Variants in TBC1D19 observed in about 807,000 individuals in gnomAD.
The protein encoded by TBC1D19 is TBC1 domain family, member 19.
A neutral mutation model predicts 89.0 loss-of-function variants in TBC1D19; 60 were observed. That is an observed-to-expected ratio of 0.67 (90% CI 0.55 to 0.84). The LOEUF is 0.84. TBC1D19 is among the 40% of genes least tolerant of loss of function. The pLI, the probability that TBC1D19 is intolerant of heterozygous loss-of-function variation, is 0.00. For missense variants in TBC1D19, 500 were observed against 610.8 expected, an observed-to-expected ratio of 0.82 and a Z score of 1.91; for synonymous variants, 189 against 199.7, an observed-to-expected ratio of 0.95 and a Z score of 0.45.
the TBC1D19 span, among the ~76,000 whole-genome samples, chr4:26,771,312 A>G: frequency 1.3e-5 from 2 of 152,168 alleles, no homozygotes; most frequent in African/African-American, 4.8e-5. Context: ...TAGAACTACC[A>G]TACAATCCAG....
At position 26,755,383 on chromosome 4, in the gene TBC1D19, A is replaced by G. The variant is rs993125566; in HGVS notation, c.*436A>G. ...TTTGTCTCATAAATTGCTCCTCACT[A>G]AGAGCCAGGGGTGGGGTAGGGTGTG... On this transcript the variant is annotated 3_prime_UTR_variant, in exon 21 of 21. Coordinates refer to ENST00000264866, the MANE Select transcript of TBC1D19 (RefSeq NM_018317.4). 2 of 152,298 alleles carry G rather than the reference A, an allele frequency of 1.3e-5. No homozygotes were observed. The highest frequency in any genetic ancestry group is 4.8e-5 in the African/African-American group (2 of 41,394). The allele number at this position is 152,298 out of a possible 1,614,324, so 9.4% of individuals were successfully genotyped here.
At chr4:26,650,462 A>G (rs902141835) in intron 7 of TBC1D19, among the ~76,000 whole-genome samples, 5 of 152,212 alleles carry the variant, frequency 3.3e-5, no homozygotes, top group South Asian at 2.1e-4. Flanking sequence ...TCTGATGGCC[A>G]GTGATGATGA....
upstream of TBC1D19, among the ~76,000 whole-genome samples, chr4:26,583,003 G>C (rs1739156265): frequency 6.6e-6 from 1 of 152,182 alleles, no homozygotes; most frequent in African/African-American, 2.4e-5. Flanking sequence ...TCTCACCAGA[G>C]TCCTATTGAA....
At chr4:26,591,769 T>C (rs974123025) in intron 1 of TBC1D19, among the ~76,000 whole-genome samples, 1 of 151,974 alleles carries the variant, frequency 6.6e-6, no homozygotes, top group Admixed American at 6.6e-5. Flanking sequence ...ACACATACAC[T>C]CTCCCAAGAC....
At chr4:26,801,787 A>C in the TBC1D19 span, among the ~76,000 whole-genome samples, 1 of 152,206 alleles carries the variant, frequency 6.6e-6, no homozygotes, top group Non-Finnish European at 1.5e-5. Flanking sequence ...TTCACAAAAA[A>C]ATCCATGTGA....
intron 1 of TBC1D19, among the ~76,000 whole-genome samples, chr4:26,598,902 G>T (rs796252699): frequency 5.9e-5 from 9 of 151,382 alleles, no homozygotes; most frequent in African/African-American, 2.2e-4. Context: ...AGAATAGAAA[G>T]AAAAAATAGA....
chr4:26,810,660 C>T, the TBC1D19 span, among the ~76,000 whole-genome samples: 2 of 152,126 alleles, frequency 1.3e-5, no homozygotes, highest in African/African-American at 2.4e-5. Context: ...CATTAGCCCA[C>T]CTCCCACTTG....
At chr4:26,652,763 T>C (rs1361338052) in intron 7 of TBC1D19, among the ~76,000 whole-genome samples, 1 of 152,208 alleles carries the variant, frequency 6.6e-6, no homozygotes, top group Non-Finnish European at 1.5e-5. Flanking sequence ...TCTCTTTTCT[T>C]CTTTATTAGT....
the TBC1D19 span, among the ~76,000 whole-genome samples, chr4:26,816,196 G>A: frequency 6.6e-6 from 1 of 151,980 alleles, no homozygotes; most frequent in African/African-American, 2.4e-5. Context: ...ATAAAAACAG[G>A]CTTTGGGCTA....
At chr4:26,605,191 T>G (rs942154905) in intron 1 of TBC1D19, among the ~76,000 whole-genome samples, 7 of 142,520 alleles carry the variant, frequency 4.9e-5, no homozygotes, top group African/African-American at 1.8e-4. Context: ...CTCCTAATGC[T>G]ATCCCTCCCC....
At chr4:26,850,888 T>C in the TBC1D19 span, among the ~76,000 whole-genome samples, 3 of 152,010 alleles carry the variant, frequency 2.0e-5, no homozygotes, top group African/African-American at 7.2e-5. Flanking sequence ...TCTGAGAGGG[T>C]GTTTCTGGAG....
At position 26,743,957 on chromosome 4, in the gene TBC1D19, C is replaced by A. The variant is rs188214930; in HGVS notation, c.1319+1358C>A. ...AAATTTATTTCAATGACATGATAAACATTAAAATTCCTATATAGGAAAAGT... is the reference window on the plus strand; with the variant it reads ...AAATTTATTTCAATGACATGATAAAAATTAAAATTCCTATATAGGAAAAGT... On this transcript the variant is annotated intron_variant, in intron 18 of 20. Transcript: ENST00000264866. Among the ~76,000 whole-genome samples, 6 of 151,628 alleles carry A rather than the reference C, an allele frequency of 4.0e-5. No individual in the cohort carries two copies. The East Asian group carries it at 1.2e-3, about 29-fold the overall frequency.
intron 1 of TBC1D19, among the ~76,000 whole-genome samples, chr4:26,593,660 C>A (rs1477624798): frequency 6.6e-6 from 1 of 152,088 alleles, no homozygotes; most frequent in East Asian, 1.9e-4. Flanking sequence ...ACAATCAACC[C>A]CATCAACAAG....
At chr4:26,707,943 A>G (rs1420369208) in intron 13 of TBC1D19, among the ~76,000 whole-genome samples, 2 of 152,114 alleles carry the variant, frequency 1.3e-5, no homozygotes, top group Non-Finnish European at 2.9e-5. Flanking sequence ...GTTGCAATCC[A>G]AAGTTACAAT....
At chr4:26,658,410 T>C (rs978587813) in intron 7 of TBC1D19, among the ~76,000 whole-genome samples, 4 of 152,126 alleles carry the variant, frequency 2.6e-5, no homozygotes, top group African/African-American at 9.7e-5. Context: ...TGTGTGGTGT[T>C]GTTTTGGTGG....
intron 6 of TBC1D19, among the ~76,000 whole-genome samples, 181 bp from the exon 7 acceptor site, chr4:26,639,960 T>C (rs569341745): frequency 1.3e-5 from 2 of 152,354 alleles, no homozygotes; most frequent in African/African-American, 2.4e-5. Flanking sequence ...TCTAGGATGT[T>C]AAGGGCAGAA....
At chr4:26,795,662 T>A in the TBC1D19 span, among the ~76,000 whole-genome samples, 1 of 152,182 alleles carries the variant, frequency 6.6e-6, no homozygotes, top group Non-Finnish European at 1.5e-5. Flanking sequence ...TGACTGTCAT[T>A]TAAAACTTGA....
At chr4:26,766,715 A>T in the TBC1D19 span, among the ~76,000 whole-genome samples, 280 of 152,296 alleles carry the variant, frequency 1.8e-3, 2 homozygotes, top group African/African-American at 6.4e-3. Flanking sequence ...ATGCACTTGA[A>T]TCCCAGCTCC....
At chr4:26,624,244 A>T (rs534919846) in intron 4 of TBC1D19, among the ~76,000 whole-genome samples, 1 of 152,318 alleles carries the variant, frequency 6.6e-6, no homozygotes, top group South Asian at 2.1e-4. Context: ...GTCAGCTCAG[A>T]TGGCATCTCT....
Sources: allele counts gnomAD v4.1 joint callset (sites outside exome capture counted in the v4.1 genomes callset), GRCh38; gene constraint gnomAD v4.1.1; transcripts MANE v1.5; gene names NCBI Gene and HGNC (gene_info 2026-07-23, HGNC 2026-07-21).